The following ST8SIA2 variants were observed in gnomAD, a reference collection of about 807,000 sequenced individuals.
The protein encoded by ST8SIA2 is ST8 alpha-N-acetyl-neuraminide alpha-2,8-sialyltransferase 2.
In ST8SIA2, 22 loss-of-function variants were observed where a neutral mutation model predicts 37.6. That is an observed-to-expected ratio of 0.58 (90% CI 0.42 to 0.83). ST8SIA2 has a LOEUF of 0.83. Ranked by LOEUF, ST8SIA2 falls within the 40% of genes least tolerant of loss-of-function variation. ST8SIA2 has a pLI of 0.00. For missense variants in ST8SIA2, 382 were observed against 484.7 expected (o/e 0.79, Z 1.99); for synonymous variants, 205 against 201.2 (o/e 1.02, Z -0.16).
At chr15:92,430,370 G>T (rs140696963) in intron 2 of ST8SIA2, among the ~76,000 whole-genome samples, 1 of 152,292 alleles carries the variant, frequency 6.6e-6, no homozygotes, top group Non-Finnish European at 1.5e-5. Context: ...CACCCACTTT[G>T]TAATGCCTGG....
chr15:92,407,589 G>C (rs1414577985), intron 1 of ST8SIA2, among the ~76,000 whole-genome samples: 1 of 152,200 alleles, frequency 6.6e-6, no homozygotes, highest in Admixed American at 6.5e-5. Flanking sequence ...TTCCTGAGTG[G>C]ATCTGGTGGC....
intron 4 of ST8SIA2, among the ~76,000 whole-genome samples, chr15:92,441,909 G>A (rs1188557369): frequency 6.6e-6 from 1 of 152,166 alleles, no homozygotes; most frequent in South Asian, 2.1e-4. Flanking sequence ...TCCAGAGCCT[G>A]CCCAAGCTGC....
At chr15:92,427,984 A>G (rs1159390439) in intron 1 of ST8SIA2, among the ~76,000 whole-genome samples, 1 of 152,242 alleles carries the variant, frequency 6.6e-6, no homozygotes, top group Non-Finnish European at 1.5e-5. Flanking sequence ...CTCGGTCTCA[A>G]AAAAACAAAC....
At chr15:92,416,995 A>AG (rs1244805474) in intron 1 of ST8SIA2, among the ~76,000 whole-genome samples, 1 of 152,204 alleles carries the variant, frequency 6.6e-6, no homozygotes, top group Non-Finnish European at 1.5e-5. Context: ...AGCTTTTCCA[A>AG]GGGGACTTGT....
chr15:92,424,185 T>C (rs1001906631), intron 1 of ST8SIA2, among the ~76,000 whole-genome samples: 1 of 152,246 alleles, frequency 6.6e-6, no homozygotes, highest in South Asian at 2.1e-4. Flanking sequence ...AGACTCTTAA[T>C]TAAAATTGTC....
intron 4 of ST8SIA2, among the ~76,000 whole-genome samples, chr15:92,444,255 C>T (rs2049824290): frequency 6.6e-6 from 1 of 152,184 alleles, no homozygotes; most frequent in African/African-American, 2.4e-5. Flanking sequence ...CAGTTTAGAG[C>T]CTGGGAGTCT....
intron 4 of ST8SIA2, among the ~76,000 whole-genome samples, chr15:92,441,150 A>G (rs961841087): frequency 6.6e-6 from 1 of 152,228 alleles, no homozygotes; most frequent in Non-Finnish European, 1.5e-5. Context: ...AAACACAAAG[A>G]CACGCAAGAC....
intron 1 of ST8SIA2, among the ~76,000 whole-genome samples, chr15:92,413,132 C>T (rs1188994286): frequency 6.6e-6 from 1 of 152,074 alleles, no homozygotes. Context: ...GTCTCCATTC[C>T]CACTGCAACC....
At chr15:92,401,273 C>T (rs559131418) in intron 1 of ST8SIA2, among the ~76,000 whole-genome samples, 3 of 152,174 alleles carry the variant, frequency 2.0e-5, no homozygotes, top group Admixed American at 6.5e-5. Context: ...TGTGGCCGGC[C>T]GGCTGACCGC....
intron 1 of ST8SIA2, among the ~76,000 whole-genome samples, chr15:92,428,069 G>T (rs185004654): frequency 6.6e-6 from 1 of 152,164 alleles, no homozygotes; most frequent in Non-Finnish European, 1.5e-5. Context: ...GGTACTCGTC[G>T]TGATAATGTA....
At chr15:92,410,741 T>C (rs1367405121) in intron 1 of ST8SIA2, among the ~76,000 whole-genome samples, 1 of 152,002 alleles carries the variant, frequency 6.6e-6, no homozygotes, top group African/African-American at 2.4e-5. Flanking sequence ...TGACGTGTAA[T>C]AAAAACAAAA....
At chr15:92,431,623 A>G (rs566928055) in intron 2 of ST8SIA2, among the ~76,000 whole-genome samples, 1 of 152,250 alleles carries the variant, frequency 6.6e-6, no homozygotes, top group African/African-American at 2.4e-5. Context: ...GAAATGGGGG[A>G]GGGGACTGGA....
In ST8SIA2 at chr15:92,419,722, C is replaced by G. The variant is rs182285226; in HGVS notation, c.99-10327C>G. The stretch of plus-strand genomic sequence containing the variant: ...GAGCACCATAGAGAAGTAGTCCTCT[C>G]TGCCCACAACTTTTCACTAGGTCCA... On this transcript the variant is annotated intron_variant, in intron 1 of 5. Coordinates refer to ENST00000268164, the MANE Select transcript of ST8SIA2 (RefSeq NM_006011.4). Among the ~76,000 whole-genome samples the G allele has an allele frequency of 5.9e-5, 9 of 152,354 alleles. No individual in the cohort carries two copies. The East Asian group carries it at 1.7e-3, about 29-fold the overall frequency.
In ST8SIA2 at chr15:92,461,161, G is replaced by A. The variant is rs538579099; in HGVS notation, c.843-2939G>A. On this transcript the variant is annotated intron_variant, in intron 5 of 5. Coordinates refer to ENST00000268164, the MANE Select transcript of ST8SIA2 (RefSeq NM_006011.4). ...AACGCAGCCTCCTAAAAATTCCAAG[G>A]CATCTTGGGAGTTCTTGAGAGTGGC... Among the ~76,000 whole-genome samples the A allele has an allele frequency of 2.0e-5, 3 of 152,158 alleles. No homozygotes were observed. The South Asian group carries it at 6.2e-4, about 32-fold the overall frequency.
chr15:92,419,996 G>T (rs1422911863), intron 1 of ST8SIA2, among the ~76,000 whole-genome samples: 1 of 152,194 alleles, frequency 6.6e-6, no homozygotes, highest in Non-Finnish European at 1.5e-5. Context: ...CTCCGGAGTA[G>T]CTAGGATTAC....
rs1294451539 is a variant in ST8SIA2 at position 92,464,404 on chromosome 15, C to A, written c.*19C>A. On this transcript the variant is annotated 3_prime_UTR_variant, in exon 6 of 6. Transcript: ENST00000268164. ...CACGTAGGGTGGGCACCCCATGGGA[C>A]TCAGTGGCTCACATTTCCTGCCAGC... 2 of 1,612,670 alleles carry A rather than the reference C, an allele frequency of 1.2e-6. No individual in the cohort carries two copies. The highest frequency in any genetic ancestry group is 1.7e-6 in the Non-Finnish European group (2 of 1,179,992).
chr15:92,395,284 C>T (rs916573706), intron 1 of ST8SIA2, among the ~76,000 whole-genome samples: 5 of 152,248 alleles, frequency 3.3e-5, no homozygotes, highest in East Asian at 1.9e-4. Flanking sequence ...AGTCCCGCGC[C>T]GCGTGCGCCC....
At chr15:92,395,697 T>C (rs759613245) in intron 1 of ST8SIA2, among the ~76,000 whole-genome samples, 1 of 152,148 alleles carries the variant, frequency 6.6e-6, no homozygotes, top group Non-Finnish European at 1.5e-5. Flanking sequence ...GCAAGTCACG[T>C]CTTGGGGTAA....
chr15:92,402,162 G>A (rs542662408), intron 1 of ST8SIA2, among the ~76,000 whole-genome samples: 4 of 152,268 alleles, frequency 2.6e-5, no homozygotes, highest in South Asian at 4.2e-4. Context: ...AAATCTGATT[G>A]TCTGGGGTCT....
Sources: gnomAD v4.1 joint callset for allele counts (sites outside exome capture counted in the v4.1 genomes callset) on GRCh38, gnomAD v4.1.1 for gene constraint, MANE v1.5 for transcripts, NCBI Gene and HGNC (gene_info 2026-07-23, HGNC 2026-07-21) for gene names.